Variants in CDC73 observed in about 807,000 individuals in gnomAD.
CDC73 encodes the protein cell division cycle 73, also known as parafibromin.
CDC73 carries 21 observed loss-of-function variants against 83.7 expected under a neutral mutation model. The observed-to-expected ratio is 0.25, with a 90% CI of 0.18 to 0.36. The LOEUF (loss-of-function observed/expected upper bound fraction) is 0.36, where lower values mean the gene tolerates loss of function less well. Ranked by LOEUF, CDC73 falls within the 10% of genes least tolerant of loss-of-function variation. CDC73 has a pLI of 1.00. For missense variants in CDC73, 342 were observed against 653.3 expected, an observed-to-expected ratio of 0.52 and a Z score of 5.19; for synonymous variants, 224 against 212.9, an observed-to-expected ratio of 1.05 and a Z score of -0.45.
At chr1:193,229,663 A>G (rs1263543666) in intron 13 of CDC73, among the ~76,000 whole-genome samples, 1 of 152,226 alleles carries the variant, frequency 6.6e-6, no homozygotes, top group African/African-American at 2.4e-5. Context: ...GTACTAAGAC[A>G]CACCGAAATG....
At chr1:193,249,630 A>G (rs1678011977) in intron 15 of CDC73, 100 bp from the exon 16 acceptor site, 6 of 854,172 alleles carry the variant, frequency 7.0e-6, no homozygotes, top group Non-Finnish European at 7.6e-6. Flanking sequence ...TTAAAAGATC[A>G]CTTTAGTTAT....
intron 7 of CDC73, among the ~76,000 whole-genome samples, chr1:193,147,004 T>C (rs1370153376): frequency 1.3e-5 from 2 of 152,188 alleles, no homozygotes; most frequent in Non-Finnish European, 2.9e-5. Flanking sequence ...ATTTAGATTT[T>C]TTTTTTTAGA....
At position 193,138,335 on chromosome 1, in the gene CDC73, ATTG is replaced by A. The variant is rs1157827487; in HGVS notation, c.512+164_512+166del. On this transcript the variant is annotated intron_variant, in intron 6 of 16. Transcript: ENST00000367435. ...AGAACATGTGTGGGGATTGGAAGTCATTGTGTTTATCATGCTTTTTGAAAAGTC... is the reference window on the plus strand; with the variant it reads ...AGAACATGTGTGGGGATTGGAAGTCATGTTTATCATGCTTTTTGAAAAGTC... Among the ~76,000 whole-genome samples the A allele has an allele frequency of 2.0e-5, 3 of 152,206 alleles. No homozygotes were observed. The East Asian group carries it at 5.8e-4, about 29-fold the overall frequency.
At chr1:193,144,602 T>C (rs944553939) in intron 7 of CDC73, among the ~76,000 whole-genome samples, 13 of 152,190 alleles carry the variant, frequency 8.5e-5, no homozygotes, top group Non-Finnish European at 1.6e-4. Flanking sequence ...ACGAATGTCC[T>C]TGATGACGTT....
At chr1:193,245,162 CCTT>C (rs1342436383) in intron 15 of CDC73, among the ~76,000 whole-genome samples, 6 of 152,176 alleles carry the variant, frequency 3.9e-5, no homozygotes, top group African/African-American at 1.2e-4. Flanking sequence ...TCAGTTTCCT[CCTT>C]CTAGCTATTT....
At chr1:193,225,661 A>G (rs1471562133) in intron 13 of CDC73, among the ~76,000 whole-genome samples, 3 of 151,938 alleles carry the variant, frequency 2.0e-5, no homozygotes, top group Non-Finnish European at 4.4e-5. Context: ...ATCATTAGTG[A>G]TGTTGAGCAT....
Position 193,238,819 on chromosome 1 carries a change from G to T in CDC73, c.1417+2463G>T, listed in dbSNP as rs1330920045. ...TTTACTGTTCATTAAGTGGGAGTGG[G>T]TTATCATAAAGGTCTTCATCTTCAT... is the stretch of plus-strand genomic sequence containing the variant. On this transcript the variant is annotated intron_variant, in intron 15 of 16. Coordinates refer to ENST00000367435, the MANE Select transcript of CDC73 (RefSeq NM_024529.5). Among the ~76,000 whole-genome samples, 4 of 152,184 alleles carry T rather than the reference G, an allele frequency of 2.6e-5. No homozygotes were observed. In the East Asian group the frequency reaches 7.7e-4, roughly 29 times the overall value.
chr1:193,173,971 A>G (rs1304000018), intron 10 of CDC73, among the ~76,000 whole-genome samples: 1 of 152,172 alleles, frequency 6.6e-6, no homozygotes, highest in Non-Finnish European at 1.5e-5. Flanking sequence ...AGTTGTAACC[A>G]TTTATAATAA....
At chr1:193,181,497 C>T (rs1327066249) in intron 10 of CDC73, 1 of 1,611,978 alleles carries the variant, frequency 6.2e-7, no homozygotes, top group East Asian at 2.2e-5. Context: ...GAGTGCGGAA[C>T]AGAGACCTTT....
chr1:193,228,428 A>G (rs1007159149), intron 13 of CDC73, among the ~76,000 whole-genome samples: 1 of 152,212 alleles, frequency 6.6e-6, no homozygotes, highest in Non-Finnish European at 1.5e-5. Flanking sequence ...ACACTACCTG[A>G]TTTCAAGACT....
At chr1:193,200,921 G>A (rs1428752707) in intron 10 of CDC73, among the ~76,000 whole-genome samples, 1 of 152,116 alleles carries the variant, frequency 6.6e-6, no homozygotes, top group African/African-American at 2.4e-5. Flanking sequence ...AGTAGAATGT[G>A]CTTTTAGCCT....
At chr1:193,198,570 A>G (rs1677040250) in intron 10 of CDC73, among the ~76,000 whole-genome samples, 1 of 152,210 alleles carries the variant, frequency 6.6e-6, no homozygotes, top group Non-Finnish European at 1.5e-5. Context: ...TGTTTCTGTT[A>G]TTTACAAATT....
chr1:193,197,547 A>G (rs1285822866), intron 10 of CDC73, among the ~76,000 whole-genome samples: 3 of 152,152 alleles, frequency 2.0e-5, no homozygotes, highest in East Asian at 1.9e-4. Context: ...TTAGATTGCA[A>G]GCACCATGAG....
intron 10 of CDC73, among the ~76,000 whole-genome samples, chr1:193,190,736 G>A (rs962126368): frequency 3.3e-5 from 5 of 152,182 alleles, no homozygotes; most frequent in Non-Finnish European, 5.9e-5. Context: ...TTTACAATCA[G>A]CAGTGATTTG....
chr1:193,195,507 T>TA (rs1471966695), intron 10 of CDC73, among the ~76,000 whole-genome samples: 2 of 152,156 alleles, frequency 1.3e-5, no homozygotes, highest in East Asian at 3.8e-4. Flanking sequence ...TTTTTTTGGA[T>TA]ATATATACTC....
intron 10 of CDC73, chr1:193,180,174 C>T (rs911407373): frequency 2.4e-6 from 2 of 839,308 alleles, no homozygotes; most frequent in African/African-American, 3.5e-5. Flanking sequence ...AAAAATACTT[C>T]TTGAATTTCT....
At chr1:193,234,892 C>T (rs1677730856) in intron 14 of CDC73, among the ~76,000 whole-genome samples, 1 of 81,546 alleles carries the variant, frequency 1.2e-5, no homozygotes, top group African/African-American at 5.1e-5. Context: ...ATTTTAGTCT[C>T]AGAGATTTTT....
At chr1:193,159,315 A>C (rs1323074762) in intron 10 of CDC73, among the ~76,000 whole-genome samples, 1 of 152,206 alleles carries the variant, frequency 6.6e-6, no homozygotes, top group Non-Finnish European at 1.5e-5. Flanking sequence ...AACTGTATCC[A>C]GTTACACCTT....
intron 16 of CDC73, among the ~76,000 whole-genome samples, chr1:193,250,387 G>A (rs1052815247): frequency 1.3e-5 from 2 of 151,718 alleles, no homozygotes; most frequent in Non-Finnish European, 3.0e-5. Context: ...CCACTGAATC[G>A]GTTCTCTTTG....
Sources: gnomAD v4.1 joint callset for allele counts (sites outside exome capture counted in the v4.1 genomes callset) on GRCh38, gnomAD v4.1.1 for gene constraint, MANE v1.5 for transcripts, NCBI Gene and HGNC (gene_info 2026-07-23, HGNC 2026-07-21) for gene names.